GABRA1: variants seen among roughly 807,000 people sequenced by gnomAD.
GABRA1 encodes gamma-aminobutyric acid type A receptor subunit alpha1, also known as gamma-aminobutyric acid receptor subunit alpha-1.
GABRA1 carries 9 observed loss-of-function variants against 48.9 expected under a neutral mutation model. The observed-to-expected ratio is 0.18, with a 90% CI of 0.11 to 0.32. The LOEUF (loss-of-function observed/expected upper bound fraction) is 0.32, where lower values mean the gene tolerates loss of function less well. GABRA1 is among the 10% of genes least tolerant of loss of function. GABRA1 has a pLI of 1.00. For synonymous variants in GABRA1, 210 were observed against 198.7 expected, an observed-to-expected ratio of 1.06 and a Z score of -0.48; for missense variants, 285 against 553.8, an observed-to-expected ratio of 0.51 and a Z score of 4.87.
chr5:161,860,857 A>T (rs998003263), intron 3 of GABRA1, among the ~76,000 whole-genome samples: 1 of 151,770 alleles, frequency 6.6e-6, no homozygotes, highest in African/African-American at 2.4e-5. Flanking sequence ...AGTATTAGTA[A>T]ACAGCCATTT....
At chr5:161,890,016 A>C (rs531740258) in intron 7 of GABRA1, among the ~76,000 whole-genome samples, 1 of 152,056 alleles carries the variant, frequency 6.6e-6, no homozygotes, top group Non-Finnish European at 1.5e-5. Context: ...CTATATTTTG[A>C]GTGAATAAGG....
At chr5:161,882,816 G>C (rs1754674766) in intron 7 of GABRA1, 115 bp downstream of exon 7, 2 of 1,069,140 alleles carry the variant, frequency 1.9e-6, no homozygotes, top group Non-Finnish European at 2.8e-6. Flanking sequence ...TCACTAAATT[G>C]GGCATCAGTT....
At chr5:161,877,441 C>T (rs1371895420) in intron 6 of GABRA1, among the ~76,000 whole-genome samples, 2 of 152,086 alleles carry the variant, frequency 1.3e-5, no homozygotes, top group African/African-American at 4.8e-5. Context: ...CTAACAAGGC[C>T]ACTGTCTTAA....
chr5:161,858,460 T>C (rs2113325264), intron 3 of GABRA1, among the ~76,000 whole-genome samples: 1 of 151,792 alleles, frequency 6.6e-6, no homozygotes, highest in South Asian at 2.1e-4. Context: ...GTGATATGTT[T>C]CTCCTCCCTT....
chr5:161,873,082 C>T (rs1054728702), intron 4 of GABRA1, 35 bp from the exon 5 acceptor site: 1 of 1,479,012 alleles, frequency 6.8e-7, no homozygotes, highest in African/African-American at 1.4e-5. Flanking sequence ...AAATACAGCA[C>T]AGTGAACTCT....
rs762939760 is a variant in GABRA1 at position 161,850,842 on chromosome 5, T to C, written c.32T>C (p.Leu11Pro). 21 of 1,613,994 alleles carry C rather than the reference T, an allele frequency of 1.3e-5. No homozygotes were observed. The highest frequency in any genetic ancestry group is 1.6e-4 in the Middle Eastern group (1 of 6,082). MRKSPGLSDCLWAWILLLSTL... is the reference protein window; with the variant it reads MRKSPGLSDCPWAWILLLSTL... ...AAAAGTCCAGGTCTGTCTGACTGTC[T>C]TTGGGCCTGGATCCTCCTTCTGAGC... The change falls in exon 2 of 10, where the codon CTT becomes CCT. Residue 11 changes from leucine (L) to proline (P), a missense_variant. Transcript: ENST00000393943.
chr5:161,895,873 A>G lies in GABRA1; in HGVS notation c.1059+5A>G, dbSNP rs1243882722. 1 of 1,608,704 alleles carries G rather than the reference A, an allele frequency of 6.2e-7. No homozygotes were observed. ...AAAAGTGTGGTTCCAGAAAAGGTAAATGCTTTAATGGTCACTGTAGTACAT... is the reference window on the plus strand; with the variant it reads ...AAAAGTGTGGTTCCAGAAAAGGTAAGTGCTTTAATGGTCACTGTAGTACAT... On this transcript the variant is annotated splice_donor_5th_base_variant and intron_variant, in intron 9 of 9. Coordinates refer to ENST00000393943, the MANE Select transcript of GABRA1 (RefSeq NM_001127644.2).
At chr5:161,867,560 C>T (rs184272421) in intron 4 of GABRA1, among the ~76,000 whole-genome samples, 1 of 152,058 alleles carries the variant, frequency 6.6e-6, no homozygotes, top group Non-Finnish European at 1.5e-5. Flanking sequence ...ATTATAGTTG[C>T]CTATTCCTTC....
At chr5:161,880,315 A>C (rs1331757321) in intron 6 of GABRA1, among the ~76,000 whole-genome samples, 1 of 152,182 alleles carries the variant, frequency 6.6e-6, no homozygotes, top group Admixed American at 6.5e-5. Context: ...TTCCATTAAA[A>C]AACAATAATT....
chr5:161,850,752 G>A (rs775265168), intron 1 of GABRA1, 44 bp from the exon 2 acceptor site: 1 of 1,532,598 alleles, frequency 6.5e-7, no homozygotes, highest in South Asian at 1.1e-5. Flanking sequence ...ATAACCTGAT[G>A]TTTCTTGCTA....
At chr5:161,848,984 C>T (rs1327106037) in intron 1 of GABRA1, 1 of 455,524 alleles carries the variant, frequency 2.2e-6, no homozygotes, top group Non-Finnish European at 4.4e-6. Context: ...GGGTCTCTCC[C>T]ATTCTGAACA....
intron 1 of GABRA1, 176 bp from the exon 2 acceptor site, chr5:161,850,620 A>T: frequency 1.6e-6 from 1 of 624,170 alleles, no homozygotes; most frequent in Non-Finnish European, 2.9e-6. Flanking sequence ...GAGAAATGGA[A>T]GGGAAAGTGG....
In GABRA1 at chr5:161,897,112, C is replaced by A. The variant is rs1186237529; in HGVS notation, c.1061C>A (p.Pro354Gln). The A allele has an allele frequency of 7.4e-6, 12 of 1,613,656 alleles. No homozygotes were observed. The highest frequency in any genetic ancestry group is 1.7e-5 in the Admixed American group (1 of 59,994). The change falls in exon 10 of 10, where the codon CCA (proline) becomes CAA (glutamine). Residue 354 changes from proline (P) to glutamine (Q), a missense_variant and splice_region_variant. Pro to Gln is a moderately conservative substitution (Grantham distance 76, BLOSUM62 -1). Transcript: ENST00000393943. ...WDGKSVVPEK[P>Q]KKVKDPLIKK... ...ATGCATTGCTCTTTCTTTCTACAGC[C>A]AAAGAAAGTAAAGGATCCTCTTATT...
intron 6 of GABRA1, among the ~76,000 whole-genome samples, chr5:161,876,852 A>C (rs1057423152): frequency 2.6e-5 from 4 of 152,192 alleles, no homozygotes; most frequent in African/African-American, 7.2e-5. Flanking sequence ...TTATAAGTTC[A>C]TCTAAATCAC....
intron 3 of GABRA1, among the ~76,000 whole-genome samples, chr5:161,861,956 A>C (rs1464842322): frequency 6.6e-6 from 1 of 151,946 alleles, no homozygotes; most frequent in Admixed American, 6.6e-5. Context: ...TCAGTTATGA[A>C]CCCATGGAAC....
intron 8 of GABRA1, 119 bp downstream of exon 8, chr5:161,891,169 C>T (rs1023113512): frequency 5.6e-5 from 54 of 971,582 alleles, no homozygotes; most frequent in Non-Finnish European, 8.4e-5. Context: ...GTTCATATAA[C>T]AGAAAGTTTC....
intron 6 of GABRA1, among the ~76,000 whole-genome samples, chr5:161,878,077 A>G (rs192436843): frequency 6.6e-6 from 1 of 152,226 alleles, no homozygotes; most frequent in Non-Finnish European, 1.5e-5. Flanking sequence ...AGAGAAGGAC[A>G]TACTTTGTTC....
intron 4 of GABRA1, among the ~76,000 whole-genome samples, chr5:161,868,231 A>G (rs1332643337): frequency 7.9e-5 from 12 of 152,124 alleles, no homozygotes; most frequent in Non-Finnish European, 4.4e-5. Context: ...ATTTGCAGAG[A>G]TTAGGCACCA....
At chr5:161,861,695 G>A (rs1322995136) in intron 3 of GABRA1, among the ~76,000 whole-genome samples, 2 of 151,796 alleles carry the variant, frequency 1.3e-5, no homozygotes, top group African/African-American at 4.8e-5. Flanking sequence ...TGAAGGACAG[G>A]GGACAAAAAT....
Sources: allele counts gnomAD v4.1 joint callset (sites outside exome capture counted in the v4.1 genomes callset), GRCh38; gene constraint gnomAD v4.1.1; transcripts MANE v1.5; gene names NCBI Gene and HGNC (gene_info 2026-07-23, HGNC 2026-07-21).